The following NRG4 variants were observed in gnomAD, a reference collection of about 807,000 sequenced individuals.
The protein encoded by NRG4 is pro-neuregulin-4, membrane-bound isoform.
A neutral mutation model predicts 15.0 loss-of-function variants in NRG4; 10 were observed. The observed-to-expected ratio is 0.67, with a 90% CI of 0.41 to 1.13. NRG4 has a LOEUF of 1.13. Ranked by LOEUF, NRG4 falls within the 50% of genes most tolerant of loss-of-function variation. The pLI is 0.00. For synonymous variants in NRG4, 41 were observed against 50.1 expected (o/e 0.82, Z 0.77); for missense variants, 139 against 140.2 (o/e 0.99, Z 0.04).
rs1213301204 is a variant in NRG4, at chr15:75,941,889, G to T, written c.*1749C>A. On this transcript the variant is annotated 3_prime_UTR_variant, in exon 6 of 6. Coordinates refer to ENST00000394907, the MANE Select transcript of NRG4 (RefSeq NM_138573.4). Reference sequence around the variant, plus strand: ...GCCTTTAAACTGTAACTTCAAAATGGTTAAAATTTAAATCTTACGTACATT... The same window carrying T: ...GCCTTTAAACTGTAACTTCAAAATGTTTAAAATTTAAATCTTACGTACATT... 5.1e-5 allele frequency: 6 copies of T among 117,268 alleles called. 1 individual carries two copies. The highest frequency in any genetic ancestry group is 2.0e-4 in the African/African-American group (6 of 30,716). The allele number at this position is 117,268 out of a possible 1,614,324, so 7.3% of individuals were successfully genotyped here. A position where few individuals can be genotyped will look rare whatever the true frequency, so the allele number is the denominator to read the frequency against.
At position 75,942,810 on chromosome 15, in the gene NRG4, A is replaced by G. The variant is rs1286576896; in HGVS notation, c.*828T>C. Reference sequence around the variant, plus strand: ...ATTTTCATACTTCCTTAAAGTTACTATTGCTTTTTTTTCCCCCATGTAACT... The same window carrying G: ...ATTTTCATACTTCCTTAAAGTTACTGTTGCTTTTTTTTCCCCCATGTAACT... On this transcript the variant is annotated 3_prime_UTR_variant, in exon 6 of 6. Coordinates refer to ENST00000394907, the MANE Select transcript of NRG4 (RefSeq NM_138573.4). 1 of 152,116 alleles carries G rather than the reference A, an allele frequency of 6.6e-6. No homozygotes were observed. Among genetic ancestry groups the G allele is most frequent in the Non-Finnish European group, 1.5e-5 (1 of 68,036 alleles). The allele number at this position is 152,116 out of a possible 1,614,324, so 9.4% of individuals were successfully genotyped here. A position where few individuals can be genotyped will look rare whatever the true frequency, so the allele number is the denominator to read the frequency against.
intron 4 of NRG4, among the ~76,000 whole-genome samples, chr15:75,956,960 T>C (rs2032272273): frequency 6.6e-6 from 1 of 152,194 alleles, no homozygotes; most frequent in South Asian, 2.1e-4. Context: ...TTTAATTCCA[T>C]TTTTGTCCTT....
In NRG4 at chr15:76,044,143, G is replaced by A. The variant is rs181546457; in HGVS notation, c.-105+7924C>T. 7.7e-3 allele frequency among the ~76,000 whole-genome samples: 1,168 copies of A among 151,446 alleles called. 20 individuals are homozygous for A. The highest frequency in any genetic ancestry group is 0.026 in the African/African-American group (1,068 of 40,938). ...CTCCCGAGTAGCTGGGACTACAAGC[G>A]CCCGCCACCGCGCCCGGCTAATTTT... On this transcript the variant is annotated intron_variant, in intron 4 of 8. Coordinates refer to the NRG4 transcript ENST00000563910.
At chr15:75,954,946 G>A (rs2032144471) in intron 5 of NRG4, among the ~76,000 whole-genome samples, 1 of 151,926 alleles carries the variant, frequency 6.6e-6, no homozygotes. Context: ...GCTTAATCTA[G>A]GGCTAGTATT....
chr15:75,950,739 A>C (rs1163368672), intron 5 of NRG4: 1 of 154,362 alleles, frequency 6.5e-6, no homozygotes, highest in Admixed American at 6.5e-5. Context: ...GAAATGCTTA[A>C]TTGTAAACAG....
At chr15:75,968,350 G>C (rs1296353886) in intron 3 of NRG4, among the ~76,000 whole-genome samples, 2 of 152,088 alleles carry the variant, frequency 1.3e-5, no homozygotes, top group African/African-American at 2.4e-5. Flanking sequence ...CACTTTGGGA[G>C]GCTGAGGTGG....
Position 75,943,697 on chromosome 15 carries a change from A to G in NRG4, c.332-43T>C, listed in dbSNP as rs187546088. 7.3e-4 allele frequency: 1,014 copies of G among 1,380,750 alleles called. 6 individuals carry two copies. In the African/African-American group the frequency reaches 0.011, roughly 15 times the overall value. The allele number at this position is 1,380,750 out of a possible 1,614,324, so 85.5% of individuals were successfully genotyped here. A position where few individuals can be genotyped will look rare whatever the true frequency, so the allele number is the denominator to read the frequency against. ...GAATTAAGATGCTTTCTCCATTGCA[A>G]TGTTTCTTACTACGCACACCTATCT... is the stretch of plus-strand genomic sequence containing the variant. On this transcript the variant is annotated intron_variant, in intron 5 of 5. Coordinates refer to ENST00000394907, the MANE Select transcript of NRG4 (RefSeq NM_138573.4).
intron 3 of NRG4, among the ~76,000 whole-genome samples, chr15:75,971,638 T>G (rs980033124): frequency 2.8e-4 from 43 of 152,346 alleles, no homozygotes; most frequent in African/African-American, 8.9e-4. Flanking sequence ...AGCTCTGTTC[T>G]TATTGACTTA....
At chr15:75,940,830 A>G (rs1422614711), downstream of NRG4, 2 of 152,224 alleles carry the variant, frequency 1.3e-5, no homozygotes, top group East Asian at 1.9e-4. Context: ...AATTAACTCA[A>G]AATGGACCAA....
Position 76,004,753 on chromosome 15 carries a change from A to G in NRG4, c.104+4447T>C, listed in dbSNP as rs115927364. ...TCTTATCAGTAATTACTTTAAATGT[A>G]AATAGATTAAATTATCTAATAAAAG... On this transcript the variant is annotated intron_variant, in intron 3 of 5. Transcript: ENST00000394907. Among the ~76,000 whole-genome samples the G allele has an allele frequency of 3.1e-3, 479 of 152,262 alleles. 1 individual carries two copies. The highest frequency in any genetic ancestry group is 0.01 in the African/African-American group (427 of 41,560).
chr15:76,018,678 G>A (rs1035062919), intron 5 of NRG4, among the ~76,000 whole-genome samples: 1 of 152,222 alleles, frequency 6.6e-6, no homozygotes, highest in African/African-American at 2.4e-5. Context: ...AGTAAAGATT[G>A]CTGCCTGTTT....
At chr15:76,038,740 A>G (rs2035656709) in intron 4 of NRG4, among the ~76,000 whole-genome samples, 1 of 152,028 alleles carries the variant, frequency 6.6e-6, no homozygotes, top group African/African-American at 2.4e-5. Context: ...TGCTGACTGT[A>G]GAGCCCTAGG....
exon 4 of NRG4, chr15:76,052,132 T>A (rs993353333): frequency 6.6e-6 from 1 of 151,112 alleles, no homozygotes; most frequent in Non-Finnish European, 1.5e-5. Context: ...TGGTTCTCTT[T>A]TATGGTTCAC....
chr15:76,025,395 C>T (rs945128246), intron 5 of NRG4, among the ~76,000 whole-genome samples: 6 of 152,056 alleles, frequency 3.9e-5, no homozygotes, highest in African/African-American at 1.4e-4. Context: ...GCTGAGATCA[C>T]ACCACTGCAT....
At chr15:75,983,302 T>C (rs2033671294) in intron 3 of NRG4, among the ~76,000 whole-genome samples, 1 of 152,126 alleles carries the variant, frequency 6.6e-6, no homozygotes, top group Non-Finnish European at 1.5e-5. Context: ...GACATTGAGA[T>C]CTGAAAACTA....
chr15:75,971,361 T>TA (rs954059913), intron 3 of NRG4: 200 of 291,540 alleles, frequency 6.9e-4, no homozygotes, highest in South Asian at 2.0e-3. Flanking sequence ...TGGTTATACT[T>TA]AAAAAAAAAT....
chr15:76,006,763 T>C (rs2034621533), intron 3 of NRG4, among the ~76,000 whole-genome samples: 2 of 152,304 alleles, frequency 1.3e-5, no homozygotes, highest in East Asian at 3.9e-4. Flanking sequence ...TTCTCTATCA[T>C]TGGTAACTTT....
intron 3 of NRG4, chr15:76,005,705 G>T: frequency 4.1e-6 from 1 of 243,904 alleles, no homozygotes; most frequent in Admixed American, 4.8e-5. Context: ...AAAAAGGAAA[G>T]AAAAGAGAAT....
chr15:76,023,130 C>CCACACACACA (rs10572540), intron 5 of NRG4, among the ~76,000 whole-genome samples: 35 of 120,180 alleles, frequency 2.9e-4, no homozygotes, highest in African/African-American at 7.5e-4. Flanking sequence ...CACCCATACT[C>CCACACACACA]CACACACACA....
Sources: gnomAD v4.1 joint callset for allele counts (sites outside exome capture counted in the v4.1 genomes callset) on GRCh38, gnomAD v4.1.1 for gene constraint, MANE v1.5 for transcripts, NCBI Gene and HGNC (gene_info 2026-07-23, HGNC 2026-07-21) for gene names.